The following PCNT variants were observed in gnomAD, a reference collection of about 807,000 sequenced individuals.
PCNT encodes pericentrin.
PCNT carries 319 observed loss-of-function variants against 380.4 expected under a neutral mutation model. The observed-to-expected ratio is 0.84, with a 90% CI of 0.77 to 0.92. PCNT has a LOEUF of 0.92. Ranked by LOEUF, PCNT falls within the 40% of genes least tolerant of loss-of-function variation. PCNT has a pLI of 0.00. For synonymous variants in PCNT, 1,845 were observed against 1,735.2 expected (o/e 1.06, Z -1.57); for missense variants, 4,400 against 4,255.3 (o/e 1.03, Z -0.95).
rs2147145222 is a variant in PCNT at position 46,381,684 on chromosome 21, A to G, written c.3166-10A>G. The G allele has an allele frequency of 1.2e-6, 2 of 1,611,534 alleles. No homozygotes were observed. Among genetic ancestry groups the G allele is most frequent in the South Asian group, 1.1e-5 (1 of 91,028 alleles). On this transcript the variant is annotated splice_polypyrimidine_tract_variant and intron_variant, in intron 15 of 46. Transcript: ENST00000359568. ...TTACTGGTATTTTTTATTGTTATTGATGTGTACAGGGTGAATTTGGAAGTG... is the reference window on the plus strand; with the variant it reads ...TTACTGGTATTTTTTATTGTTATTGGTGTGTACAGGGTGAATTTGGAAGTG...
At position 46,388,730 on chromosome 21, in the gene PCNT, C is replaced by G. The variant is rs766606135; in HGVS notation, c.3465-12C>G. 1.2e-5 allele frequency: 20 copies of G among 1,613,446 alleles called. No homozygotes were observed. The African/African-American group carries it at 1.5e-4, about 12-fold the overall frequency. ...GACCAGCTTGCCTGATGATGGGTGT[C>G]TCCTGTCTCAGAGGGGCCCTCCAGG... is the stretch of plus-strand genomic sequence containing the variant. On this transcript the variant is annotated splice_polypyrimidine_tract_variant and intron_variant, in intron 17 of 46. Coordinates refer to ENST00000359568, the MANE Select transcript of PCNT (RefSeq NM_006031.6). The surrounding 1 kb of genome is among the most constrained non-coding windows in gnomAD (Gnocchi z 4.2).
chr21:46,421,624 G>A (rs112583243), intron 31 of PCNT, among the ~76,000 whole-genome samples: 40 of 152,340 alleles, frequency 2.6e-4, no homozygotes, highest in African/African-American at 7.5e-4. Context: ...CGCACGTCCC[G>A]CTGCTCTTGA....
At chr21:46,426,482 C>G (rs1054973314) in intron 33 of PCNT, among the ~76,000 whole-genome samples, 2 of 152,224 alleles carry the variant, frequency 1.3e-5, no homozygotes, top group Admixed American at 6.5e-5. Context: ...GCTTTCAGGC[C>G]TGTGCCCTGT....
rs758678533 is a variant in PCNT at position 46,429,997 on chromosome 21, T to G, written c.7691-13T>G. On this transcript the variant is annotated splice_polypyrimidine_tract_variant and intron_variant, in intron 35 of 46. Coordinates refer to ENST00000359568, the MANE Select transcript of PCNT (RefSeq NM_006031.6). ...CTCATGGGGGCCTGTTACTGTTCTT[T>G]TGTCTTTCTCAGTTGAACTGCTGGC... 2.5e-6 allele frequency: 4 copies of G among 1,612,530 alleles called. No homozygotes were observed. In the South Asian group the frequency reaches 4.4e-5, roughly 18 times the overall value.
chr21:46,366,466 G>A (rs1310853729), intron 14 of PCNT, 118 bp from the exon 15 acceptor site: 37 of 865,312 alleles, frequency 4.3e-5, no homozygotes, highest in Non-Finnish European at 6.3e-5. Flanking sequence ...TTAAAATCCC[G>A]AAACGATGAC....
chr21:46,399,790 G>A lies in PCNT; in HGVS notation c.4785G>A (p.Leu1595=), dbSNP rs528306548. Residue 1595 remains leucine, a synonymous_variant, in exon 25 of 47, where the codon CTG becomes CTA. Coordinates refer to ENST00000359568, the MANE Select transcript of PCNT (RefSeq NM_006031.6). ...AACAGAAAAACATCGTGAAAGGGCT[G>A]GAACAGGTAAAGCGTCTCCATGTTG... ...VEKQKNIVKG[L]EQDKEVLKKQ... The A allele has an allele frequency of 2.4e-5, 39 of 1,613,814 alleles. No homozygotes were observed. The South Asian group carries it at 4.1e-4, about 17-fold the overall frequency.
Position 46,347,521 on chromosome 21 carries a change from G to C in PCNT, c.1032+9G>C, listed in dbSNP as rs2084111953. On this transcript the variant is annotated intron_variant, in intron 6 of 46. Coordinates refer to ENST00000359568, the MANE Select transcript of PCNT (RefSeq NM_006031.6). ...ACGCCCAGATAGTAAAGGTACCCGG[G>C]ATCGATTCTAAAATGCACGCCTCTG... is the stretch of plus-strand genomic sequence containing the variant. 1 of 1,613,818 alleles carries C rather than the reference G, an allele frequency of 6.2e-7. No homozygotes were observed. Among genetic ancestry groups the C allele is most frequent in the Non-Finnish European group, 8.5e-7 (1 of 1,179,722 alleles).
Position 46,437,072 on chromosome 21 carries a change from C to T in PCNT, c.9090C>T (p.Thr3030=), listed in dbSNP as rs942925965. The change falls in exon 40 of 47, where the codon ACC becomes ACT. Residue 3030 remains threonine, a synonymous_variant. Transcript: ENST00000359568. ...TGAAGTCTGACTTGAGCAGGCCCAC[C>T]TCCTCCCAGGTAAGGGGTGAGCGCC... The part of the protein sequence containing the change: ...EELKSDLSRP[T]SSQKKMAAEL... The T allele has an allele frequency of 6.2e-6, 10 of 1,613,154 alleles. No individual in the cohort carries two copies. Among genetic ancestry groups the T allele is most frequent in the African/African-American group, 4.0e-5 (3 of 74,928 alleles).
rs78131363 is a variant in PCNT, at chr21:46,368,633, T to G, written c.3165+1494T>G. ...CACCTTGTGCTTTCTCTGCCCTCAG[T>G]GAGGTCTCTGAGGTTTTCTCACCTT... On this transcript the variant is annotated intron_variant, in intron 15 of 46. Coordinates refer to ENST00000359568, the MANE Select transcript of PCNT (RefSeq NM_006031.6). Among the ~76,000 whole-genome samples, 17 of 152,332 alleles carry G rather than the reference T, an allele frequency of 1.1e-4. No individual in the cohort carries two copies. In the East Asian group the frequency reaches 3.3e-3, roughly 29 times the overall value.
At chr21:46,439,019 C>T (rs934629211) in intron 41 of PCNT, among the ~76,000 whole-genome samples, 13 of 152,080 alleles carry the variant, frequency 8.5e-5, no homozygotes, top group East Asian at 3.9e-4. Flanking sequence ...AGTTATCTTC[C>T]GGAATGTCTC....
At chr21:46,405,665 C>A (rs891189142) in intron 27 of PCNT, among the ~76,000 whole-genome samples, 3 of 152,134 alleles carry the variant, frequency 2.0e-5, no homozygotes, top group Non-Finnish European at 4.4e-5. Context: ...CACTGCACTG[C>A]AGCCTGGGCG....
intron 44 of PCNT, chr21:46,442,819 A>G (rs2053646436): frequency 1.7e-6 from 1 of 575,510 alleles, no homozygotes; most frequent in African/African-American, 1.9e-5. Context: ...TGAGATGCTC[A>G]ATATATTGAT....
rs748912886 is a variant in PCNT, at chr21:46,366,949, T to C, written c.2975T>C (p.Leu992Pro). ...GAGGAGCACAGGCAGGCCCTAGAGCTCTTACGAGCAGACTTTGAGGAACAA... is the reference window on the plus strand; with the variant it reads ...GAGGAGCACAGGCAGGCCCTAGAGCCCTTACGAGCAGACTTTGAGGAACAA... ...IREEHRQALELLRADFEEQLW... is the reference protein window; with the variant it reads ...IREEHRQALEPLRADFEEQLW... The change falls in exon 15 of 47, where the codon CTC (leucine) becomes CCC (proline). Residue 992 changes from leucine to proline, a missense_variant. Physicochemically the swap from Leu to Pro is moderately conservative, Grantham distance 98. Coordinates refer to ENST00000359568, the MANE Select transcript of PCNT (RefSeq NM_006031.6). 1.9e-6 allele frequency: 3 copies of C among 1,614,208 alleles called. No homozygotes were observed. Among genetic ancestry groups the C allele is most frequent in the Non-Finnish European group, 1.7e-6 (2 of 1,180,048 alleles).
chr21:46,406,507 G>A lies in PCNT; in HGVS notation c.5115+4024G>A, dbSNP rs79801065. Among the ~76,000 whole-genome samples the A allele has an allele frequency of 6.3e-3, 954 of 152,252 alleles. 10 individuals are homozygous for A. The highest frequency in any genetic ancestry group is 0.022 in the African/African-American group (900 of 41,540). On this transcript the variant is annotated intron_variant, in intron 27 of 46. Coordinates refer to ENST00000359568, the MANE Select transcript of PCNT (RefSeq NM_006031.6). Reference sequence around the variant, plus strand: ...TGCACAATTTATGTATATTAGTAGCGTTTTGTGGATTCCTGAAGGCTTTTT... The same window carrying A: ...TGCACAATTTATGTATATTAGTAGCATTTTGTGGATTCCTGAAGGCTTTTT...
intron 30 of PCNT, 144 bp downstream of exon 30, chr21:46,416,983 C>A: frequency 1.4e-6 from 1 of 723,596 alleles, no homozygotes; most frequent in Non-Finnish European, 2.2e-6. Context: ...GGACTGGCAT[C>A]ATGGGCGCAT....
chr21:46,362,151 T>G (rs2084743136), intron 13 of PCNT, among the ~76,000 whole-genome samples: 1 of 152,220 alleles, frequency 6.6e-6, no homozygotes, highest in African/African-American at 2.4e-5. Context: ...TCTTGTAGCT[T>G]TAGCCGGCTT....
chr21:46,409,097 T>G (rs902409714), intron 27 of PCNT, among the ~76,000 whole-genome samples: 3 of 152,294 alleles, frequency 2.0e-5, no homozygotes, highest in Non-Finnish European at 4.4e-5. Context: ...TTGAACGCTT[T>G]TTTTTGATAC....
chr21:46,418,432 C>G, intron 31 of PCNT, 126 bp downstream of exon 31: 3 of 708,022 alleles, frequency 4.2e-6, no homozygotes, highest in Non-Finnish European at 7.7e-6. Context: ...CACCCCGGCT[C>G]TGCGCTTTGT....
chr21:46,397,954 C>T (rs1315314227), intron 22 of PCNT, 60 bp from the exon 23 acceptor site: 12 of 1,359,490 alleles, frequency 8.8e-6, no homozygotes, highest in East Asian at 5.0e-5. Context: ...GGTGGACCTT[C>T]GCTGCAAGGG....
Sources: allele counts gnomAD v4.1 joint callset (sites outside exome capture counted in the v4.1 genomes callset), GRCh38; gene constraint gnomAD v4.1.1; non-coding constraint Gnocchi (gnomAD v3.1); transcripts MANE v1.5; gene names NCBI Gene and HGNC (gene_info 2026-07-23, HGNC 2026-07-21).